Variants in ACTR3C observed in about 807,000 individuals in gnomAD.
The protein encoded by ACTR3C is actin related protein 3C, also known as actin-related protein 3C.
ACTR3C carries 18 observed loss-of-function variants against 26.3 expected under a neutral mutation model. That is an observed-to-expected ratio of 0.68 (90% CI 0.47 to 1.01). The LOEUF (loss-of-function observed/expected upper bound fraction) is 1.01. Among genes scored for constraint, ACTR3C ranks in the 50% least tolerant of loss-of-function variants. The pLI, the probability that ACTR3C is intolerant of heterozygous loss-of-function variation, is 0.00. For missense variants in ACTR3C, 184 were observed against 250.7 expected, an observed-to-expected ratio of 0.73 and a Z score of 1.80; for synonymous variants, 55 against 94.5, an observed-to-expected ratio of 0.58 and a Z score of 2.42.
chr7:149,966,069 G>A, the ACTR3C span, among the ~76,000 whole-genome samples: 3 of 152,210 alleles, frequency 2.0e-5, no homozygotes, highest in Admixed American at 1.3e-4. Flanking sequence ...GACATGTCTG[G>A]CTGAGGCATT....
chr7:150,101,771 T>C, the ACTR3C span, among the ~76,000 whole-genome samples: 2 of 151,914 alleles, frequency 1.3e-5, no homozygotes, highest in East Asian at 3.9e-4. Flanking sequence ...TGTGTGTTAA[T>C]GCAAAGGCAT....
the ACTR3C span, among the ~76,000 whole-genome samples, chr7:149,896,276 T>C: frequency 1.3e-5 from 2 of 152,166 alleles, no homozygotes; most frequent in African/African-American, 2.4e-5. Context: ...AGCTACTACA[T>C]GAATGAGCAC....
chr7:149,892,182 A>G, the ACTR3C span: 7 of 1,322,318 alleles, frequency 5.3e-6, no homozygotes, highest in South Asian at 4.5e-5. Flanking sequence ...AACACATTCT[A>G]CAACTCGCAA....
the ACTR3C span, among the ~76,000 whole-genome samples, chr7:150,124,558 G>A: frequency 1.3e-5 from 2 of 152,082 alleles, no homozygotes; most frequent in South Asian, 2.1e-4. Context: ...GAGAACACTG[G>A]GTTTGCTGGT....
chr7:149,883,437 C>A, the ACTR3C span, among the ~76,000 whole-genome samples: 12 of 152,116 alleles, frequency 7.9e-5, no homozygotes, highest in Non-Finnish European at 1.2e-4. Flanking sequence ...AAAAATGGGC[C>A]GTGACTGAGA....
the ACTR3C span, among the ~76,000 whole-genome samples, chr7:150,162,524 C>T: frequency 0.13 from 19,310 of 152,024 alleles, 1,338 homozygotes; most frequent in African/African-American, 0.14. Context: ...ACCATGTTGG[C>T]CAGGCTGGTC....
At chr7:150,037,827 G>A in the ACTR3C span, among the ~76,000 whole-genome samples, 2 of 71,904 alleles carry the variant, frequency 2.8e-5, no homozygotes, top group African/African-American at 9.9e-5. Context: ...CTGGCACTCA[G>A]TCCCTGCCTC....
chr7:150,060,538 A>G, the ACTR3C span, among the ~76,000 whole-genome samples: 4 of 152,282 alleles, frequency 2.6e-5, no homozygotes, highest in East Asian at 7.7e-4. Flanking sequence ...TTTGATTTGT[A>G]TAACCCTCGG....
the ACTR3C span, among the ~76,000 whole-genome samples, chr7:149,898,502 G>A: frequency 6.6e-6 from 1 of 152,076 alleles, no homozygotes; most frequent in African/African-American, 2.4e-5. Context: ...TCAAGAGATC[G>A]AGACCATCCT....
the ACTR3C span, among the ~76,000 whole-genome samples, chr7:149,951,851 C>G: frequency 6.7e-6 from 1 of 150,234 alleles, no homozygotes; most frequent in African/African-American, 2.5e-5. Flanking sequence ...TGGGAGGCAT[C>G]TTAGAATTGT....
At chr7:150,137,429 G>T in the ACTR3C span, among the ~76,000 whole-genome samples, 1 of 152,136 alleles carries the variant, frequency 6.6e-6, no homozygotes, top group East Asian at 1.9e-4. Flanking sequence ...GAAACTGAGG[G>T]GTGGCAAAGC....
chr7:150,246,570 T>A (rs186681025), downstream of ACTR3C: 1 of 152,322 alleles, frequency 6.6e-6, no homozygotes, highest in African/African-American at 2.4e-5. Flanking sequence ...ATTCACTGAA[T>A]ATAATATTTT....
At chr7:150,188,056 CTTATCT>C in the ACTR3C span, among the ~76,000 whole-genome samples, 1 of 150,246 alleles carries the variant, frequency 6.7e-6, no homozygotes, top group Non-Finnish European at 1.5e-5. Context: ...ATACTTCATG[CTTATCT>C]TGAATTTTCT....
the ACTR3C span, among the ~76,000 whole-genome samples, chr7:150,119,927 C>T: frequency 6.6e-6 from 1 of 152,098 alleles, no homozygotes; most frequent in African/African-American, 2.4e-5. Context: ...AGGATTAAGA[C>T]ACTCACTCAA....
At chr7:150,164,931 G>T in the ACTR3C span, among the ~76,000 whole-genome samples, 1 of 152,166 alleles carries the variant, frequency 6.6e-6, no homozygotes, top group Non-Finnish European at 1.5e-5. Flanking sequence ...TTGGAATTGA[G>T]CTATTATTTC....
At chr7:149,978,057 G>A in the ACTR3C span, among the ~76,000 whole-genome samples, 2 of 151,378 alleles carry the variant, frequency 1.3e-5, no homozygotes, top group African/African-American at 4.9e-5. Flanking sequence ...GTTTGATGTT[G>A]TGAGATTTGT....
chr7:150,033,512 T>C, the ACTR3C span, among the ~76,000 whole-genome samples: 13 of 152,168 alleles, frequency 8.5e-5, no homozygotes, highest in Non-Finnish European at 1.9e-4. Flanking sequence ...GTACTCCAGG[T>C]GGGTCCTAAG....
chr7:150,100,861 T>C, the ACTR3C span, among the ~76,000 whole-genome samples: 2 of 151,380 alleles, frequency 1.3e-5, no homozygotes, highest in South Asian at 2.1e-4. Context: ...CATACCACCA[T>C]GCCCAGCTAA....
At chr7:150,167,258 G>A in the ACTR3C span, among the ~76,000 whole-genome samples, 1 of 150,670 alleles carries the variant, frequency 6.6e-6, no homozygotes, top group Non-Finnish European at 1.5e-5. Flanking sequence ...TGGCTGTGCT[G>A]TACTAATTTA....
Sources: allele counts gnomAD v4.1 joint callset (sites outside exome capture counted in the v4.1 genomes callset), GRCh38; gene constraint gnomAD v4.1.1; transcripts MANE v1.5; gene names NCBI Gene and HGNC (gene_info 2026-07-23, HGNC 2026-07-21).